The following KRT23 variants were observed in gnomAD, a reference collection of about 807,000 sequenced individuals.
The protein encoded by KRT23 is keratin 23.
KRT23 carries 38 observed loss-of-function variants against 47.6 expected under a neutral mutation model. The observed-to-expected ratio is 0.80, with a 90% CI of 0.62 to 1.05. KRT23 has a LOEUF of 1.05. KRT23 is among the 50% of genes least tolerant of loss of function. KRT23 has a pLI of 0.00. For missense variants in KRT23, 503 were observed against 529.5 expected, an observed-to-expected ratio of 0.95 and a Z score of 0.49; for synonymous variants, 191 against 199.0, an observed-to-expected ratio of 0.96 and a Z score of 0.34.
chr17:40,924,087 G>T (rs1909082253), intron 8 of KRT23, among the ~76,000 whole-genome samples: 1 of 152,140 alleles, frequency 6.6e-6, no homozygotes, highest in Non-Finnish European at 1.5e-5. Flanking sequence ...ACCTTATCTG[G>T]CCATAGAACA....
chr17:40,928,351 T>C lies in KRT23; in HGVS notation c.808A>G (p.Met270Val), dbSNP rs766044473. ...DTWYKEQSAA[M>V]SQEAASPATV... ...GCTGGACTGGCTGCCTCCTGGGACA[T>C]GGCTGCAGACTGTGGGACCAAGCAA... The change falls in exon 6 of 9, where the codon ATG (methionine) becomes GTG (valine). Residue 270 changes from methionine (M) to valine (V), a missense_variant. Physicochemically the swap from Met to Val is conservative, Grantham distance 21. Transcript: ENST00000209718. 1 of 1,614,212 alleles carries C rather than the reference T, an allele frequency of 6.2e-7. No individual in the cohort carries two copies. Among genetic ancestry groups the C allele is most frequent in the Non-Finnish European group, 8.5e-7 (1 of 1,180,038 alleles).
chr17:40,929,231 G>A (rs1414684536), intron 4 of KRT23, among the ~76,000 whole-genome samples: 1 of 152,010 alleles, frequency 6.6e-6, no homozygotes, highest in Admixed American at 6.5e-5. Flanking sequence ...CAAAGCTTTT[G>A]GGAAGCAGTT....
chr17:40,926,460 T>C (rs1040010391), intron 6 of KRT23, among the ~76,000 whole-genome samples: 2 of 152,128 alleles, frequency 1.3e-5, no homozygotes, highest in Non-Finnish European at 2.9e-5. Flanking sequence ...TGGCCTCGCT[T>C]CCTAATTTTG....
Position 40,936,691 on chromosome 17 carries a change from T to G in KRT23, c.-88A>C, listed in dbSNP as rs1290347686. On this transcript the variant is annotated 5_prime_UTR_variant, in exon 2 of 9. Transcript: ENST00000209718. ...GCCGCCCCAGACTGCCCTGGATGGT[T>G]TTATGGCCTTTGCTGTGGGAGTTCC... 3.2e-6 allele frequency: 4 copies of G among 1,260,252 alleles called. No homozygotes were observed. The highest frequency in any genetic ancestry group is 4.2e-6 in the Non-Finnish European group (4 of 946,254). The allele number at this position is 1,260,252 out of a possible 1,614,324, so 78.1% of individuals were successfully genotyped here.
rs565503399 is a variant in KRT23, at chr17:40,922,901, A to G, written c.*88T>C. On this transcript the variant is annotated 3_prime_UTR_variant, in exon 9 of 9. Transcript: ENST00000209718. The stretch of plus-strand genomic sequence containing the variant: ...TTCTGAGTCTGATAATTCCAAGGGT[A>G]TCTTTTAGAACTCACTCACTGGTGT... The G allele has an allele frequency of 1.5e-5, 13 of 872,338 alleles. No homozygotes were observed. The African/African-American group carries it at 1.5e-4, about 10-fold the overall frequency. 54.0% of individuals were successfully genotyped at this position (872,338 alleles called of 1,614,324 possible). A position where few individuals can be genotyped will look rare whatever the true frequency, so the allele number is the denominator to read the frequency against.
chr17:40,936,554 C>G lies in KRT23; in HGVS notation c.50G>C (p.Gly17Ala), dbSNP rs1910092235. 3.9e-6 allele frequency: 6 copies of G among 1,520,862 alleles called. No individual in the cohort carries two copies. The South Asian group carries it at 6.7e-5, about 17-fold the overall frequency. 94.2% of individuals were successfully genotyped at this position (1,520,862 alleles called of 1,614,324 possible). A position where few individuals can be genotyped will look rare whatever the true frequency, so the allele number is the denominator to read the frequency against. ...GGGCCGGCCCCAGCCACCTCCGGCGCCATGGAAGGAGGCCGAGGGGGTCTG... is the reference window on the plus strand; with the variant it reads ...GGGCCGGCCCCAGCCACCTCCGGCGGCATGGAAGGAGGCCGAGGGGGTCTG... Reference protein sequence around the residue: ...FSQTPSASFHGAGGGWGRPRS... With the variant: ...FSQTPSASFHAAGGGWGRPRS... Residue 17 changes from glycine (G) to alanine (A), a missense_variant, in exon 2 of 9, where the codon GGC becomes GCC. By Grantham distance (60) the Gly-to-Ala change is moderately conservative (BLOSUM62 0). Coordinates refer to ENST00000209718, the MANE Select transcript of KRT23 (RefSeq NM_015515.5).
intron 6 of KRT23, 84 bp from the exon 7 acceptor site, chr17:40,925,658 T>A: frequency 9.7e-7 from 1 of 1,033,514 alleles, no homozygotes; most frequent in Non-Finnish European, 1.5e-6. Context: ...TTAGCAGATG[T>A]CGACCAGTTG....
chr17:40,931,470 C>T lies in KRT23; in HGVS notation c.397-15G>A, dbSNP rs1468650568. On this transcript the variant is annotated splice_polypyrimidine_tract_variant and intron_variant, in intron 2 of 8. Coordinates refer to ENST00000209718, the MANE Select transcript of KRT23 (RefSeq NM_015515.5). ...CCATCCACTATCTGTAAAACATGCA[C>T]AAAAGCACAAAAGGTTATCTCACTT... 1 of 1,588,924 alleles carries T rather than the reference C, an allele frequency of 6.3e-7. No individual in the cohort carries two copies. The highest frequency in any genetic ancestry group is 1.7e-5 in the Admixed American group (1 of 59,998).
intron 7 of KRT23, chr17:40,925,051 T>A: frequency 2.4e-6 from 1 of 420,086 alleles, no homozygotes; most frequent in Non-Finnish European, 4.2e-6. Context: ...GCCTTCTTTT[T>A]TTTGGAGCCA....
chr17:40,928,567 T>TTTGG lies in KRT23; in HGVS notation c.676_677insCCAA (p.Asn226ThrfsTer15). ...CCTGGGACCTGTATCCACCTTCACA[T>TTTGG]TGACATTGAAGTCACTTGGCACATG... is the stretch of plus-strand genomic sequence containing the variant. On this transcript the variant is annotated frameshift_variant, in exon 5 of 9. Coordinates refer to ENST00000209718, the MANE Select transcript of KRT23 (RefSeq NM_015515.5). LOFTEE classifies it high-confidence loss of function. 1 of 1,613,926 alleles carries TTTGG rather than the reference T, an allele frequency of 6.2e-7. No individual in the cohort carries two copies. Among genetic ancestry groups the TTTGG allele is most frequent in the Non-Finnish European group, 8.5e-7 (1 of 1,179,946 alleles).
chr17:40,926,500 C>T (rs942364068), intron 6 of KRT23, among the ~76,000 whole-genome samples: 33 of 152,084 alleles, frequency 2.2e-4, no homozygotes, highest in Admixed American at 3.3e-4. Flanking sequence ...CGGGAGAGAC[C>T]GCCCACTGCT....
Position 40,925,103 on chromosome 17 carries a change from C to G in KRT23, c.1142+251G>C, listed in dbSNP as rs1909142493. 5 of 522,670 alleles carry G rather than the reference C, an allele frequency of 9.6e-6. 1 individual carries two copies. In the South Asian group the frequency reaches 1.2e-4, roughly 12 times the overall value. 32.4% of individuals were successfully genotyped at this position (522,670 alleles called of 1,614,324 possible). On this transcript the variant is annotated intron_variant, in intron 7 of 8. Transcript: ENST00000209718. Reference sequence around the variant, plus strand: ...TACTGGGAAACACAGTGGCCAAATCCTTTTGAATTGTTTCCTTCTAGAGAC... The same window carrying G: ...TACTGGGAAACACAGTGGCCAAATCGTTTTGAATTGTTTCCTTCTAGAGAC...
chr17:40,925,289 C>T, intron 7 of KRT23, 65 bp downstream of exon 7: 1 of 1,370,708 alleles, frequency 7.3e-7, no homozygotes, highest in African/African-American at 1.4e-5. Flanking sequence ...CCCAAAGATG[C>T]ACACATATAC....
intron 4 of KRT23, chr17:40,929,616 G>A (rs1175381471): frequency 4.2e-6 from 1 of 239,324 alleles, no homozygotes; most frequent in Admixed American, 5.3e-5. Flanking sequence ...GCTGAACATT[G>A]GGCCAGTGAT....
At chr17:40,936,064 A>G (rs1396130858) in intron 2 of KRT23, 144 bp downstream of exon 2, 1 of 809,290 alleles carries the variant, frequency 1.2e-6, no homozygotes, top group Non-Finnish European at 1.9e-6. Flanking sequence ...ATAATAAGAA[A>G]ACATCCCCCA....
chr17:40,931,777 T>G (rs1238209022), intron 2 of KRT23, among the ~76,000 whole-genome samples: 8 of 152,234 alleles, frequency 5.3e-5, no homozygotes, highest in African/African-American at 1.9e-4. Context: ...CAGTAATTGT[T>G]CAAAATGCCC....
At chr17:40,927,414 C>A (rs1386610200) in intron 6 of KRT23, among the ~76,000 whole-genome samples, 1 of 152,164 alleles carries the variant, frequency 6.6e-6, no homozygotes, top group African/African-American at 2.4e-5. Flanking sequence ...TCTCTACGTG[C>A]ACATTTGCAG....
chr17:40,929,703 A>ATC (rs1909510200), intron 4 of KRT23: 6 of 468,588 alleles, frequency 1.3e-5, no homozygotes, highest in Non-Finnish European at 2.2e-5. Flanking sequence ...TATTAACAAA[A>ATC]CTGTTGACCA....
chr17:40,931,793 CT>C (rs1322320771), intron 2 of KRT23, among the ~76,000 whole-genome samples: 1 of 152,174 alleles, frequency 6.6e-6, no homozygotes, highest in Non-Finnish European at 1.5e-5. Context: ...TGCCCTCTAA[CT>C]TTTTAGGTTA....
Sources: allele counts gnomAD v4.1 joint callset (sites outside exome capture counted in the v4.1 genomes callset), GRCh38; gene constraint gnomAD v4.1.1; transcripts MANE v1.5; gene names NCBI Gene and HGNC (gene_info 2026-07-23, HGNC 2026-07-21).